GPR155: variants seen among roughly 807,000 people sequenced by gnomAD.
GPR155 encodes the protein lysosomal cholesterol signaling protein.
GPR155 carries 65 observed loss-of-function variants against 93.1 expected under a neutral mutation model. That is an observed-to-expected ratio of 0.70 (90% confidence interval 0.57 to 0.86). GPR155 has a LOEUF of 0.86. Ranked by LOEUF, GPR155 falls within the 40% of genes least tolerant of loss-of-function variation. GPR155 has a pLI of 0.00. For synonymous variants in GPR155, 319 were observed against 360.1 expected, an observed-to-expected ratio of 0.89 and a Z score of 1.29; for missense variants, 838 against 1,034.8, an observed-to-expected ratio of 0.81 and a Z score of 2.61.
In GPR155 at chr2:174,435,944, T is replaced by TA; in HGVS notation, c.*171dup. The stretch of plus-strand genomic sequence containing the variant: ...GCTTCCTATGTGTTTTACATACATG[T>TA]AAAATCACAGACCCTGCGCATGTGG... On this transcript the variant is annotated 3_prime_UTR_variant, in exon 16 of 16. Coordinates refer to ENST00000392552, the MANE Select transcript of GPR155 (RefSeq NM_152529.7). 1 of 589,380 alleles carries TA rather than the reference T, an allele frequency of 1.7e-6. No homozygotes were observed. The allele number at this position is 589,380 out of a possible 1,614,324, so 36.5% of individuals were successfully genotyped here.
chr2:174,472,204 G>C (rs370598997), intron 3 of GPR155, among the ~76,000 whole-genome samples: 4 of 152,270 alleles, frequency 2.6e-5, no homozygotes, highest in East Asian at 3.9e-4. Context: ...TCAGGAGTTT[G>C]AGACCAGTCT....
At chr2:174,454,855 G>A (rs1034326754) in intron 10 of GPR155, among the ~76,000 whole-genome samples, 10 of 137,322 alleles carry the variant, frequency 7.3e-5, no homozygotes, top group Non-Finnish European at 1.5e-4. Flanking sequence ...AGGAAGGAAG[G>A]GAAGGAAGGG....
intron 12 of GPR155, 87 bp from the exon 13 acceptor site, chr2:174,445,263 C>T: frequency 1.5e-6 from 1 of 673,054 alleles, no homozygotes; most frequent in South Asian, 1.7e-5. Flanking sequence ...AACTTACCTA[C>T]TTAATAATTA....
intron 11 of GPR155, among the ~76,000 whole-genome samples, chr2:174,447,701 A>G (rs2105682043): frequency 6.8e-6 from 1 of 147,244 alleles, no homozygotes; most frequent in African/African-American, 2.5e-5. Context: ...AGGAACAGAA[A>G]ACCAAGTACT....
intron 15 of GPR155, among the ~76,000 whole-genome samples, chr2:174,438,554 C>G (rs1295956386): frequency 1.3e-5 from 2 of 152,002 alleles, no homozygotes; most frequent in African/African-American, 4.8e-5. Flanking sequence ...TGTTGCCCAG[C>G]CAGAGTGCAG....
chr2:174,454,864 GGAAA>G (rs1160246032), intron 10 of GPR155, among the ~76,000 whole-genome samples: 1 of 149,890 alleles, frequency 6.7e-6, no homozygotes, highest in Non-Finnish European at 1.5e-5. Context: ...GGGAAGGAAG[GGAAA>G]GGAAGGAAGA....
At chr2:174,478,199 T>C (rs1688221314) in intron 2 of GPR155, among the ~76,000 whole-genome samples, 1 of 152,236 alleles carries the variant, frequency 6.6e-6, no homozygotes, top group South Asian at 2.1e-4. Context: ...AAAAGTACTT[T>C]AGAAAAGAAT....
At chr2:174,478,016 T>C (rs1688216733) in intron 2 of GPR155, among the ~76,000 whole-genome samples, 2 of 152,168 alleles carry the variant, frequency 1.3e-5, no homozygotes, top group African/African-American at 2.4e-5. Flanking sequence ...CACTAGACCA[T>C]AATTATGATT....
intron 15 of GPR155, among the ~76,000 whole-genome samples, chr2:174,438,365 C>A (rs1373274524): frequency 6.6e-6 from 1 of 152,210 alleles, no homozygotes; most frequent in Non-Finnish European, 1.5e-5. Context: ...GTCCATTCAG[C>A]CAAATGGGAC....
At chr2:174,452,198 A>G (rs1687341084) in intron 11 of GPR155, among the ~76,000 whole-genome samples, 1 of 152,196 alleles carries the variant, frequency 6.6e-6, no homozygotes, top group Admixed American at 6.5e-5. Context: ...GGTTTCTTGT[A>G]AAAGAAAAAA....
chr2:174,470,403 A>G lies in GPR155; in HGVS notation c.1013T>C (p.Met338Thr). 10 of 1,613,032 alleles carry G rather than the reference A, an allele frequency of 6.2e-6. No individual in the cohort carries two copies. Among genetic ancestry groups the G allele is most frequent in the Non-Finnish European group, 8.5e-6 (10 of 1,179,220 alleles). ...CTATATACATACAATTTCTACTTCCATGTTGAATTGTGTTGCAAAGATAGC... is the reference window on the plus strand; with the variant it reads ...CTATATACATACAATTTCTACTTCCGTGTTGAATTGTGTTGCAAAGATAGC... ...GVAIFATQFNMEVEIITSGMV... is the reference protein window; with the variant it reads ...GVAIFATQFNTEVEIITSGMV... The change falls in exon 4 of 16, where the codon ATG becomes ACG. Residue 338 changes from methionine (M) to threonine (T), a missense_variant. Coordinates refer to ENST00000392552, the MANE Select transcript of GPR155 (RefSeq NM_152529.7).
In GPR155 at chr2:174,481,584, C is replaced by A. The variant is rs1387926886; in HGVS notation, c.373G>T (p.Ala125Ser). Residue 125 changes from alanine to serine, a missense_variant, in exon 2 of 16, where the codon GCC becomes TCC. By Grantham distance (99) the Ala-to-Ser change is moderately conservative. Transcript: ENST00000392552. ...TTGCTAAATCGACTATCAGGACTGG[C>A]AACCAATAAGGTTAATACACATACA... ...FIVCVLTLLV[A>S]SPDSRFSKAG... 3.7e-6 allele frequency: 6 copies of A among 1,613,622 alleles called. No individual in the cohort carries two copies. The highest frequency in any genetic ancestry group is 5.1e-6 in the Non-Finnish European group (6 of 1,179,812).
At position 174,446,625 on chromosome 2, in the gene GPR155, T is replaced by C; in HGVS notation, c.1999A>G (p.Ile667Val). ...RHVLLCLLLI[I>V]GLFANLSSCL... ...AAAACCATTACAGCGAACAGGCCAA[T>C]GATGAGAAGTAAACACAGCAACACA... is the stretch of plus-strand genomic sequence containing the variant. Residue 667 changes from isoleucine (I) to valine (V), a missense_variant, in exon 12 of 16, where the codon ATT becomes GTT. Physicochemically the swap from Ile to Val is conservative, Grantham distance 29 (BLOSUM62 3). Around this residue, in one of 3 missense-constraint regions of GPR155, gnomAD observed 663 missense variants for 790.1 expected, o/e 0.84. Coordinates refer to ENST00000392552, the MANE Select transcript of GPR155 (RefSeq NM_152529.7). 1 of 1,613,366 alleles carries C rather than the reference T, an allele frequency of 6.2e-7. No homozygotes were observed. The highest frequency in any genetic ancestry group is 1.1e-5 in the South Asian group (1 of 90,962).
intron 11 of GPR155, among the ~76,000 whole-genome samples, chr2:174,449,908 G>A (rs535896606): frequency 6.6e-5 from 10 of 152,242 alleles, no homozygotes; most frequent in Non-Finnish European, 7.4e-5. Context: ...CCTGGGAGGC[G>A]GAGGTTGCAG....
chr2:174,476,600 T>C lies in GPR155; in HGVS notation c.461-3236A>G, dbSNP rs533641763. On this transcript the variant is annotated intron_variant, in intron 2 of 15. Coordinates refer to ENST00000392552, the MANE Select transcript of GPR155 (RefSeq NM_152529.7). ...GCCTGGGCAACAGAGTGAGACTCTGTCTCAAAAAACAAAAAACAAAACAAA... is the reference window on the plus strand; with the variant it reads ...GCCTGGGCAACAGAGTGAGACTCTGCCTCAAAAAACAAAAAACAAAACAAA... 5.3e-5 allele frequency among the ~76,000 whole-genome samples: 8 copies of C among 151,754 alleles called. No individual in the cohort carries two copies. The South Asian group carries it at 1.7e-3, about 32-fold the overall frequency.
At chr2:174,474,936 G>A (rs548047557) in intron 2 of GPR155, among the ~76,000 whole-genome samples, 1 of 152,084 alleles carries the variant, frequency 6.6e-6, no homozygotes, top group East Asian at 1.9e-4. Context: ...TTGAAGTTGA[G>A]AAAGATAAAA....
chr2:174,438,083 C>T (rs1460769110), intron 15 of GPR155, among the ~76,000 whole-genome samples: 1 of 151,710 alleles, frequency 6.6e-6, no homozygotes, highest in Non-Finnish European at 1.5e-5. Context: ...GGCAAAACTC[C>T]ATCTCTACTA....
At chr2:174,478,163 T>C (rs1168724052) in intron 2 of GPR155, among the ~76,000 whole-genome samples, 1 of 152,234 alleles carries the variant, frequency 6.6e-6, no homozygotes, top group Non-Finnish European at 1.5e-5. Context: ...GGGAGATTCT[T>C]AGTTTCTTCT....
chr2:174,440,186 C>T (rs1574692668), intron 14 of GPR155, 151 bp from the exon 15 acceptor site: 1 of 596,026 alleles, frequency 1.7e-6, no homozygotes. Flanking sequence ...GTCTCAGAAG[C>T]AAAAACATTC....
Sources: allele counts gnomAD v4.1 joint callset (sites outside exome capture counted in the v4.1 genomes callset), GRCh38; gene constraint gnomAD v4.1.1; regional missense constraint gnomAD v4.1.1; transcripts MANE v1.5; gene names NCBI Gene and HGNC (gene_info 2026-07-23, HGNC 2026-07-21).